The following MAF variants were observed in gnomAD, a reference collection of about 807,000 sequenced individuals.
The protein encoded by MAF is MAF bZIP transcription factor, also known as transcription factor Maf.
A neutral mutation model predicts 22.0 loss-of-function variants in MAF; 10 were observed. The ratio of observed to expected loss-of-function variants is 0.45; its 90% CI spans 0.28 to 0.77. The LOEUF (loss-of-function observed/expected upper bound fraction) is 0.77, where lower values mean the gene tolerates loss of function less well. Among genes scored for constraint, MAF ranks in the 30% least tolerant of loss-of-function variants. The pLI is 0.12. For missense variants in MAF, 544 were observed against 548.4 expected (o/e 0.99, Z 0.08); for synonymous variants, 337 against 255.8 (o/e 1.32, Z -3.03).
At chr16:79,251,525 C>T in the MAF span, among the ~76,000 whole-genome samples, 1 of 152,118 alleles carries the variant, frequency 6.6e-6, no homozygotes, top group African/African-American at 2.4e-5. Flanking sequence ...CCATGTTGGT[C>T]AGGTTGGTCT....
the MAF span, among the ~76,000 whole-genome samples, chr16:79,218,374 T>A: frequency 6.6e-6 from 1 of 152,234 alleles, no homozygotes; most frequent in East Asian, 1.9e-4. Flanking sequence ...CTAGTTTCTG[T>A]TAGAACTAAT....
chr16:79,374,970 A>C, the MAF span, among the ~76,000 whole-genome samples: 1 of 152,202 alleles, frequency 6.6e-6, no homozygotes, highest in African/African-American at 2.4e-5. Flanking sequence ...ACATAAGCTC[A>C]ACTATGTCCA....
chr16:79,540,162 C>T, the MAF span, among the ~76,000 whole-genome samples: 1 of 151,562 alleles, frequency 6.6e-6, no homozygotes, highest in Non-Finnish European at 1.5e-5. Flanking sequence ...AGGTGGAGGA[C>T]CAGAGGCTGT....
the MAF span, among the ~76,000 whole-genome samples, chr16:79,565,956 T>C: frequency 6.2e-3 from 940 of 152,282 alleles, 11 homozygotes; most frequent in South Asian, 0.012. Flanking sequence ...AGGACAAGGA[T>C]TGGACATCAA....
At chr16:79,484,113 T>C in the MAF span, among the ~76,000 whole-genome samples, 1 of 152,176 alleles carries the variant, frequency 6.6e-6, no homozygotes, top group Non-Finnish European at 1.5e-5. Context: ...CACCCCTTGA[T>C]GGGGTCTATT....
chr16:79,386,658 C>T, the MAF span, among the ~76,000 whole-genome samples: 24 of 152,066 alleles, frequency 1.6e-4, no homozygotes, highest in Admixed American at 5.9e-4. Context: ...GGTATGTTAT[C>T]GCAGATTGTA....
the MAF span, among the ~76,000 whole-genome samples, chr16:79,364,644 C>T: frequency 2.0e-5 from 3 of 152,182 alleles, no homozygotes; most frequent in East Asian, 5.8e-4. Context: ...TGAACAGTTT[C>T]GTGGTGTCAG....
the MAF span, among the ~76,000 whole-genome samples, chr16:79,273,947 GC>G: frequency 1.6e-5 from 2 of 122,780 alleles, no homozygotes. Context: ...CTTCGTGTCT[GC>G]CTTTTTTTTT....
the MAF span, among the ~76,000 whole-genome samples, chr16:79,570,977 A>C: frequency 6.6e-6 from 1 of 152,146 alleles, no homozygotes; most frequent in African/African-American, 2.4e-5. Flanking sequence ...CTGTTCTAGC[A>C]TTCTCATCTG....
At chr16:79,512,884 TGCTGTATACCTGTATAGGCACACGC>T in the MAF span, among the ~76,000 whole-genome samples, 1 of 152,190 alleles carries the variant, frequency 6.6e-6, no homozygotes, top group Admixed American at 6.5e-5. Context: ...ATTCCACACG[TGCTGTATACCTGTATAGGCACACGC>T]ATCCATCCAG....
the MAF span, among the ~76,000 whole-genome samples, chr16:79,358,599 A>G: frequency 6.6e-6 from 1 of 152,226 alleles, no homozygotes; most frequent in African/African-American, 2.4e-5. Flanking sequence ...TGCTCACAAA[A>G]TGTGAACAAG....
the MAF span, among the ~76,000 whole-genome samples, chr16:79,213,304 C>T: frequency 6.6e-6 from 1 of 152,256 alleles, no homozygotes; most frequent in South Asian, 2.1e-4. Context: ...GTCGAACAAA[C>T]AAACACCATT....
the MAF span, among the ~76,000 whole-genome samples, chr16:79,502,708 AATATAT>A: frequency 1.0e-3 from 35 of 33,988 alleles, no homozygotes; most frequent in African/African-American, 2.4e-3. Context: ...TATAAATATA[AATATAT>A]ATATATATAT....
chr16:79,449,531 T>C, the MAF span, among the ~76,000 whole-genome samples: 1 of 152,158 alleles, frequency 6.6e-6, no homozygotes, highest in African/African-American at 2.4e-5. Context: ...AATTAAAATA[T>C]CACCTCTTTC....
At chr16:79,214,736 A>G in the MAF span, among the ~76,000 whole-genome samples, 36,868 of 74,916 alleles carry the variant, frequency 0.49, 11,215 homozygotes, top group Non-Finnish European at 0.63. Flanking sequence ...TTTTTGAGAC[A>G]GAATCTCACT....
chr16:79,551,827 T>C, the MAF span, among the ~76,000 whole-genome samples: 1 of 152,174 alleles, frequency 6.6e-6, no homozygotes. Flanking sequence ...AGTAGCTGAG[T>C]AGCTTGAGTA....
chr16:79,514,804 T>TA, the MAF span, among the ~76,000 whole-genome samples: 1 of 152,220 alleles, frequency 6.6e-6, no homozygotes, highest in African/African-American at 2.4e-5. Flanking sequence ...AGTTCACTGA[T>TA]AGCGGCTTGG....
At chr16:79,441,799 G>T in the MAF span, among the ~76,000 whole-genome samples, 12 of 152,362 alleles carry the variant, frequency 7.9e-5, no homozygotes, top group Non-Finnish European at 1.5e-4. Context: ...AGGAACCCCA[G>T]TATGTGGTCT....
the MAF span, among the ~76,000 whole-genome samples, chr16:79,567,450 A>G: frequency 0.011 from 1,626 of 151,540 alleles, 24 homozygotes; most frequent in African/African-American, 0.037. Context: ...AAACGGATCC[A>G]TAGAAGCCAC....
Sources: gnomAD v4.1 joint callset for allele counts (sites outside exome capture counted in the v4.1 genomes callset) on GRCh38, gnomAD v4.1.1 for gene constraint, MANE v1.5 for transcripts, NCBI Gene and HGNC (gene_info 2026-07-23, HGNC 2026-07-21) for gene names.